Variants in HPGDS observed in about 807,000 individuals in gnomAD.
HPGDS encodes the protein hematopoietic prostaglandin D synthase, also known as GST class-sigma.
A neutral mutation model predicts 23.1 loss-of-function variants in HPGDS; 26 were observed. That is an observed-to-expected ratio of 1.13 (90% CI 0.83 to 1.56). HPGDS has a LOEUF of 1.56. Ranked by LOEUF, HPGDS falls within the 40% of genes most tolerant of loss-of-function variation. The pLI, the probability that HPGDS is intolerant of heterozygous loss-of-function variation, is 0.00. For missense variants in HPGDS, 268 were observed against 236.4 expected, an observed-to-expected ratio of 1.13 and a Z score of -0.88; for synonymous variants, 95 against 77.9, an observed-to-expected ratio of 1.22 and a Z score of -1.16.
chr4:94,339,390 C>T (rs72886777), intron 1 of HPGDS, among the ~76,000 whole-genome samples: 1 of 152,106 alleles, frequency 6.6e-6, no homozygotes, highest in Non-Finnish European at 1.5e-5. Context: ...TAAAATTAAC[C>T]ACTGGCTTCC....
At chr4:94,314,276 A>T (rs1449260997) in intron 3 of HPGDS, among the ~76,000 whole-genome samples, 1 of 151,868 alleles carries the variant, frequency 6.6e-6, no homozygotes, top group East Asian at 1.9e-4. Flanking sequence ...GGTTTTATCT[A>T]CCTTTAGTCT....
intron 1 of HPGDS, among the ~76,000 whole-genome samples, chr4:94,340,320 T>TTC (rs1721131725): frequency 2.0e-4 from 3 of 15,038 alleles, no homozygotes; most frequent in Non-Finnish European, 3.8e-4. Context: ...TCTTTTTTTT[T>TTC]TTTTTTTTTT....
chr4:94,308,592 G>T, intron 4 of HPGDS, 42 bp downstream of exon 4: 1 of 966,820 alleles, frequency 1.0e-6, no homozygotes, highest in Non-Finnish European at 1.7e-6. Flanking sequence ...TCTGGCAGGT[G>T]GTATATAATT....
intron 2 of HPGDS, among the ~76,000 whole-genome samples, chr4:94,326,040 C>T (rs1345025819): frequency 6.7e-6 from 1 of 149,210 alleles, no homozygotes; most frequent in Non-Finnish European, 1.5e-5. Context: ...TCTAAAATTT[C>T]TGCTGAGAAA....
At chr4:94,309,612 C>G (rs1018582975) in intron 3 of HPGDS, among the ~76,000 whole-genome samples, 1 of 151,992 alleles carries the variant, frequency 6.6e-6, no homozygotes, top group Non-Finnish European at 1.5e-5. Context: ...GTCTTTATAG[C>G]AGCATGATTT....
intron 2 of HPGDS, among the ~76,000 whole-genome samples, chr4:94,323,071 T>A (rs1052767779): frequency 1.3e-5 from 2 of 152,218 alleles, no homozygotes; most frequent in Admixed American, 6.5e-5. Context: ...ATTTGTGTGG[T>A]TTTGAGTGAG....
At chr4:94,308,474 T>C (rs1486256044) in intron 4 of HPGDS, among the ~76,000 whole-genome samples, 160 bp downstream of exon 4, 2 of 152,108 alleles carry the variant, frequency 1.3e-5, no homozygotes, top group African/African-American at 4.8e-5. Context: ...AGGGGTACAA[T>C]AGGGAATTGC....
At chr4:94,310,413 T>A (rs1245783457) in intron 3 of HPGDS, among the ~76,000 whole-genome samples, 1 of 152,222 alleles carries the variant, frequency 6.6e-6, no homozygotes, top group African/African-American at 2.4e-5. Context: ...CTTGTTTTTG[T>A]CAGGTTTGTC....
At position 94,299,629 on chromosome 4, in the gene HPGDS, A is replaced by C; in HGVS notation, c.451T>G (p.Phe151Val). 6.2e-7 allele frequency: 1 copy of C among 1,613,916 alleles called. No homozygotes were observed. The change falls in exon 6 of 6, where the codon TTC becomes GTC. Residue 151 changes from phenylalanine to valine, a missense_variant. Transcript: ENST00000295256. ...LIGNSVTWADFYWEICSTTLL... is the reference protein window; with the variant it reads ...LIGNSVTWADVYWEICSTTLL... ...GTGGTACTGCAAATCTCCCAGTAGA[A>C]GTCTGCCCAAGTTACCTAGTTTAAA...
At chr4:94,302,078 A>T in intron 5 of HPGDS, 68 bp downstream of exon 5, 1 of 1,182,284 alleles carries the variant, frequency 8.5e-7, no homozygotes, top group South Asian at 1.5e-5. Flanking sequence ...TTTTTCAGTA[A>T]GTTTTTATAC....
At chr4:94,327,793 T>A (rs1756662901) in intron 2 of HPGDS, among the ~76,000 whole-genome samples, 1 of 152,166 alleles carries the variant, frequency 6.6e-6, no homozygotes, top group Non-Finnish European at 1.5e-5. Context: ...GCCACAACAC[T>A]TAAGTGAAGC....
At chr4:94,332,586 T>C (rs569276312) in intron 2 of HPGDS, among the ~76,000 whole-genome samples, 9 of 152,234 alleles carry the variant, frequency 5.9e-5, no homozygotes, top group Non-Finnish European at 1.3e-4. Flanking sequence ...CCCAAAGCGG[T>C]CAGCTGGATC....
intron 1 of HPGDS, among the ~76,000 whole-genome samples, chr4:94,336,805 T>G (rs1397912554): frequency 6.6e-6 from 1 of 152,184 alleles, no homozygotes; most frequent in Non-Finnish European, 1.5e-5. Flanking sequence ...ATAAAAAACA[T>G]AATAATTAAG....
chr4:94,340,311 C>CTTTCTTTTTCTTT, intron 1 of HPGDS, among the ~76,000 whole-genome samples: 4 of 23,678 alleles, frequency 1.7e-4, no homozygotes, highest in African/African-American at 5.8e-4. Context: ...CTTTCTTTCT[C>CTTTCTTTTTCTTT]TTTTTTTTTT....
intron 1 of HPGDS, among the ~76,000 whole-genome samples, chr4:94,336,142 G>A (rs1407703296): frequency 1.3e-5 from 2 of 151,468 alleles, no homozygotes; most frequent in Non-Finnish European, 2.9e-5. Context: ...AGAGGTGGAG[G>A]TTGCAGTGAC....
chr4:94,340,324 T>TC (rs1721132050), intron 1 of HPGDS, among the ~76,000 whole-genome samples: 1 of 18,274 alleles, frequency 5.5e-5, no homozygotes, highest in Non-Finnish European at 1.1e-4. Context: ...TTTTTTTTTT[T>TC]TTTTTTTTTT....
chr4:94,330,694 CTTT>C (rs1273473189), intron 2 of HPGDS, among the ~76,000 whole-genome samples: 3 of 151,992 alleles, frequency 2.0e-5, no homozygotes, highest in Non-Finnish European at 4.4e-5. Flanking sequence ...TTTCTTTCTT[CTTT>C]TATTTTTCAT....
intron 2 of HPGDS, among the ~76,000 whole-genome samples, chr4:94,322,440 T>C (rs776463145): frequency 6.6e-6 from 1 of 152,170 alleles, no homozygotes; most frequent in Non-Finnish European, 1.5e-5. Flanking sequence ...CAATTTCAGA[T>C]CCTGTTATTG....
At chr4:94,314,013 A>G (rs1383134685) in intron 3 of HPGDS, among the ~76,000 whole-genome samples, 1 of 152,080 alleles carries the variant, frequency 6.6e-6, no homozygotes, top group Non-Finnish European at 1.5e-5. Context: ...ACTTCTCTGC[A>G]TTGGTTATTC....
Sources: allele counts gnomAD v4.1 joint callset (sites outside exome capture counted in the v4.1 genomes callset), GRCh38; gene constraint gnomAD v4.1.1; transcripts MANE v1.5; gene names NCBI Gene and HGNC (gene_info 2026-07-23, HGNC 2026-07-21).